Variants in ENO4 observed in about 807,000 individuals in gnomAD.
ENO4 encodes the protein 2-phospho-D-glycerate hydro-lyase.
Under a neutral mutation model 63.2 loss-of-function variants are expected in ENO4, and 53 were observed. The observed-to-expected ratio is 0.84, with a 90% CI of 0.67 to 1.05. The LOEUF is 1.05. Among genes scored for constraint, ENO4 ranks in the 50% least tolerant of loss-of-function variants. The pLI, the probability that ENO4 is intolerant of heterozygous loss-of-function variation, is 0.00. For synonymous variants in ENO4, 266 were observed against 283.8 expected (o/e 0.94, Z 0.63); for missense variants, 719 against 772.0 (o/e 0.93, Z 0.81).
At chr10:116,878,359 TAGATAGGAG>T (rs1193566111) in intron 11 of ENO4, among the ~76,000 whole-genome samples, 1 of 152,170 alleles carries the variant, frequency 6.6e-6, no homozygotes, top group African/African-American at 2.4e-5. Context: ...TGGTAGATGA[TAGATAGGAG>T]GCAATGCAAA....
chr10:116,878,496 A>C (rs1846898729), intron 11 of ENO4, among the ~76,000 whole-genome samples: 1 of 152,248 alleles, frequency 6.6e-6, no homozygotes, highest in Non-Finnish European at 1.5e-5. Flanking sequence ...GTAAACATTC[A>C]GAATGACAGT....
In ENO4 at chr10:116,899,542, TGTGTGAGAGA is replaced by T. The variant is rs1213104089; in HGVS notation, c.1195-11953_1195-11944del. Among the ~76,000 whole-genome samples, 5 of 94,620 alleles carry T rather than the reference TGTGTGAGAGA, an allele frequency of 5.3e-5. 1 individual carries two copies. In the South Asian group the frequency reaches 1.1e-3, roughly 22 times the overall value. The allele number at this position is 94,620 out of a possible 152,430, so 62.1% of individuals were successfully genotyped here. A position where few individuals can be genotyped will look rare whatever the true frequency, so the allele number is the denominator to read the frequency against. ...GTGTGTGTGTGTGTGTGTGTGTGTG[TGTGTGAGAGA>T]GTGCATGCATACATATGTTGGGACA... On this transcript the variant is annotated intron_variant, in intron 10 of 10. Transcript: ENST00000369207.
At chr10:116,851,186 G>T (rs1051860872) in intron 1 of ENO4, among the ~76,000 whole-genome samples, 19 of 152,304 alleles carry the variant, frequency 1.2e-4, no homozygotes, top group Admixed American at 1.2e-3. Flanking sequence ...ACAGCTCTCT[G>T]GGAACTTACA....
chr10:116,855,654 C>G lies in ENO4; in HGVS notation c.197C>G (p.Pro66Arg). 1 of 1,536,186 alleles carries G rather than the reference C, an allele frequency of 6.5e-7. No individual in the cohort carries two copies. Among genetic ancestry groups the G allele is most frequent in the Non-Finnish European group, 8.7e-7 (1 of 1,146,920 alleles). The change falls in exon 2 of 14, where the codon CCC (proline) becomes CGC (arginine). Residue 66 changes from proline (P) to arginine (R), a missense_variant. Pro to Arg is a moderately radical substitution (Grantham distance 103). Around this residue, in one of 3 missense-constraint regions of ENO4, gnomAD observed 544 missense variants for 583.6 expected, o/e 0.93. Transcript: ENST00000341276. ...TGCTTTTCTAAACTTGCAAAGCCTC[C>G]CACCATATGCAAAATAGTGGGGAAA... is the stretch of plus-strand genomic sequence containing the variant. ...ANCFSKLAKP[P>R]TICKIVGKDV... is the part of the protein sequence containing the mutation.
rs1482566128 is a variant in ENO4, at chr10:116,879,751, TAG to T, written c.1606-117_1606-116del. On this transcript the variant is annotated intron_variant, in intron 12 of 13. Coordinates refer to ENST00000341276, the MANE Select transcript of ENO4 (RefSeq NM_001242699.2). Reference sequence around the variant, plus strand: ...CTGTGCTTACATAAAGATAAAAAACTAGTAAGAGAAAATCCCAAACAGCACAC... The same window carrying T: ...CTGTGCTTACATAAAGATAAAAAACTTAAGAGAAAATCCCAAACAGCACAC... 3 of 773,332 alleles carry T rather than the reference TAG, an allele frequency of 3.9e-6. No individual in the cohort carries two copies. The East Asian group carries it at 8.1e-5, about 21-fold the overall frequency. The allele number at this position is 773,332 out of a possible 1,614,324, so 47.9% of individuals were successfully genotyped here.
chr10:116,879,971 C>G lies in ENO4; in HGVS notation c.1708C>G (p.Gln570Glu). 1 of 1,548,828 alleles carries G rather than the reference C, an allele frequency of 6.5e-7. No homozygotes were observed. The highest frequency in any genetic ancestry group is 8.7e-7 in the Non-Finnish European group (1 of 1,145,288). ...RLLTIEEELV[Q>E]NGTLGFKEEH... ...TCTCACTATAGAGGAAGAACTTGTC[C>G]AGAATGGAACACTGGGTATGCGCTG... The change falls in exon 13 of 14, where the codon CAG becomes GAG. Residue 570 changes from glutamine (Q) to glutamate (E), a missense_variant. Physicochemically the swap from Gln to Glu is conservative, Grantham distance 29. Around this residue, in one of 3 missense-constraint regions of ENO4, gnomAD observed 168 missense variants for 163.3 expected, o/e 1.03. Transcript: ENST00000341276.
In ENO4 at chr10:116,881,857, C is replaced by CA. The variant is rs1847026525; in HGVS notation, c.*188_*189insA. 1 of 443,054 alleles carries CA rather than the reference C, an allele frequency of 2.3e-6. No individual in the cohort carries two copies. Among genetic ancestry groups the CA allele is most frequent in the Non-Finnish European group, 3.8e-6 (1 of 261,662 alleles). 27.4% of individuals were successfully genotyped at this position (443,054 alleles called of 1,614,324 possible). On this transcript the variant is annotated 3_prime_UTR_variant, in exon 14 of 14. Coordinates refer to ENST00000341276, the MANE Select transcript of ENO4 (RefSeq NM_001242699.2). ...TTTTTGCCTGAAATTCTGTGAACTT[C>CA]GTTTTGCAGCCACCACACTTCCATG... is the stretch of plus-strand genomic sequence containing the variant.
Position 116,850,691 on chromosome 10 carries a change from C to T in ENO4, c.165+960C>T, listed in dbSNP as rs554340176. Among the ~76,000 whole-genome samples, 121 of 152,152 alleles carry T rather than the reference C, an allele frequency of 8.0e-4. 1 individual carries two copies. The highest frequency in any genetic ancestry group is 2.4e-3 in the African/African-American group (100 of 41,522). On this transcript the variant is annotated intron_variant, in intron 1 of 13. Coordinates refer to ENST00000341276, the MANE Select transcript of ENO4 (RefSeq NM_001242699.2). ...GGATGTTCCGCGAATGACTTTTTCC[C>T]ACTCATGGCCTATACTATCAAAGGG...
chr10:116,850,775 C>G (rs563033337), intron 1 of ENO4, among the ~76,000 whole-genome samples: 4 of 152,262 alleles, frequency 2.6e-5, no homozygotes, highest in African/African-American at 9.6e-5. Context: ...ATCCTCAGTA[C>G]CACTGCGACG....
intron 8 of ENO4, among the ~76,000 whole-genome samples, chr10:116,870,189 C>G (rs1351506680): frequency 6.6e-6 from 1 of 152,168 alleles, no homozygotes; most frequent in East Asian, 1.9e-4. Context: ...ACACACACAC[C>G]CCTTACCTTA....
At chr10:116,863,439 A>G (rs1242073520) in intron 7 of ENO4, among the ~76,000 whole-genome samples, 1 of 151,932 alleles carries the variant, frequency 6.6e-6, no homozygotes, top group East Asian at 1.9e-4. Flanking sequence ...CCCAATGTTA[A>G]TGATATATTA....
At chr10:116,856,147 C>A (rs1056945164) in intron 2 of ENO4, among the ~76,000 whole-genome samples, 1 of 152,102 alleles carries the variant, frequency 6.6e-6, no homozygotes, top group African/African-American at 2.4e-5. Flanking sequence ...TTTAACAATT[C>A]GTTTTAATTC....
downstream of ENO4, chr10:116,886,402 G>C: frequency 2.5e-6 from 4 of 1,582,458 alleles, no homozygotes; most frequent in Non-Finnish European, 3.4e-6. Context: ...TTTGTTTTCT[G>C]GTTGAATTTC....
Position 116,859,116 on chromosome 10 carries a change from C to A in ENO4, c.612C>A (p.Thr204=), listed in dbSNP as rs921093412. The change falls in exon 4 of 14, where the codon ACC becomes ACA. Residue 204 remains threonine (T), a synonymous_variant. Coordinates refer to ENST00000341276, the MANE Select transcript of ENO4 (RefSeq NM_001242699.2). The stretch of plus-strand genomic sequence containing the variant: ...CACCACCACCCCCTCCACCTCCTAC[C>A]AAAAAAAAGGGGCAAAAGCCAGGTT... ...VPPPPPPPPP[T]KKKGQKPGRK... 3.9e-6 allele frequency: 6 copies of A among 1,519,062 alleles called. No individual in the cohort carries two copies. In the Admixed American group the frequency reaches 6.2e-5, roughly 16 times the overall value. The allele number at this position is 1,519,062 out of a possible 1,614,324, so 94.1% of individuals were successfully genotyped here.
chr10:116,879,959 G>A lies in ENO4; in HGVS notation c.1696G>A (p.Glu566Lys), dbSNP rs771321098. Residue 566 changes from glutamate to lysine, a missense_variant, in exon 13 of 14, where the codon GAA (glutamate) becomes AAA (lysine). Physicochemically the swap from Glu to Lys is moderately conservative, Grantham distance 56. Around this residue, in one of 3 missense-constraint regions of ENO4, gnomAD observed 168 missense variants for 163.3 expected, o/e 1.03. Transcript: ENST00000341276. ...TKYNRLLTIE[E>K]ELVQNGTLGF... The stretch of plus-strand genomic sequence containing the variant: ...ATACAACCGCCTTCTCACTATAGAG[G>A]AAGAACTTGTCCAGAATGGAACACT... 43 of 1,550,748 alleles carry A rather than the reference G, an allele frequency of 2.8e-5. No individual in the cohort carries two copies. The highest frequency in any genetic ancestry group is 7.8e-5 in the Admixed American group (4 of 50,972).
chr10:116,910,887 A>G (rs1036190473), intron 10 of ENO4, among the ~76,000 whole-genome samples: 3 of 152,262 alleles, frequency 2.0e-5, no homozygotes. Flanking sequence ...ACTTAAAACT[A>G]AAGCAAACTA....
At chr10:116,880,323 C>A (rs1454209966) in intron 13 of ENO4, among the ~76,000 whole-genome samples, 1 of 152,214 alleles carries the variant, frequency 6.6e-6, no homozygotes, top group East Asian at 1.9e-4. Context: ...AAGTTAAAGG[C>A]AGACACTTTC....
At chr10:116,849,848 C>T in intron 1 of ENO4, 117 bp downstream of exon 1, 2 of 1,204,184 alleles carry the variant, frequency 1.7e-6, no homozygotes, top group Non-Finnish European at 2.3e-6. Context: ...GCCGCCCGGG[C>T]CCTGGGCCTG....
intron 12 of ENO4, 73 bp from the exon 13 acceptor site, chr10:116,879,796 T>A (rs1846948738): frequency 2.6e-6 from 3 of 1,165,740 alleles, no homozygotes; most frequent in East Asian, 5.1e-5. Context: ...GTTTCCTTTG[T>A]CTTTAAAGAA....
Sources: allele counts gnomAD v4.1 joint callset (sites outside exome capture counted in the v4.1 genomes callset), GRCh38; gene constraint gnomAD v4.1.1; regional missense constraint gnomAD v4.1.1; transcripts MANE v1.5; gene names NCBI Gene and HGNC (gene_info 2026-07-23, HGNC 2026-07-21).